NGEF: variants seen among roughly 807,000 people sequenced by gnomAD.
The protein encoded by NGEF is ephexin-1.
In NGEF, 31 loss-of-function variants were observed where a neutral mutation model predicts 80.9. The ratio of observed to expected loss-of-function variants is 0.38; its 90% CI spans 0.29 to 0.52. The LOEUF (loss-of-function observed/expected upper bound fraction) is 0.52, where lower values mean the gene tolerates loss of function less well. Among genes scored for constraint, NGEF ranks in the 20% least tolerant of loss-of-function variants. The pLI is 0.84. For missense variants in NGEF, 709 were observed against 926.2 expected (o/e 0.77, Z 3.04); for synonymous variants, 371 against 370.2 (o/e 1.00, Z -0.03).
intron 1 of NGEF, among the ~76,000 whole-genome samples, chr2:232,982,969 G>A (rs779434930): frequency 7.2e-5 from 11 of 152,222 alleles, no homozygotes; most frequent in Non-Finnish European, 1.5e-4. Flanking sequence ...CTCTGTGTCC[G>A]AGGAAGACCT....
At chr2:232,981,720 A>G (rs1694432795) in intron 1 of NGEF, among the ~76,000 whole-genome samples, 1 of 152,062 alleles carries the variant, frequency 6.6e-6, no homozygotes, top group Non-Finnish European at 1.5e-5. Context: ...AAAAACTCCA[A>G]TCCCCGAATG....
At chr2:232,932,782 G>T (rs1693244011) in intron 3 of NGEF, among the ~76,000 whole-genome samples, 1 of 151,982 alleles carries the variant, frequency 6.6e-6, no homozygotes, top group East Asian at 1.9e-4. Context: ...TAGAAAGAGG[G>T]CTTGGGAGCT....
chr2:232,977,008 A>T (rs1458875002), intron 1 of NGEF, among the ~76,000 whole-genome samples: 1 of 152,140 alleles, frequency 6.6e-6, no homozygotes, highest in South Asian at 2.1e-4. Context: ...CCTTCCCGGG[A>T]GTGCCTGGGA....
At chr2:232,986,760 G>A (rs1384980431) in intron 1 of NGEF, among the ~76,000 whole-genome samples, 7 of 152,178 alleles carry the variant, frequency 4.6e-5, no homozygotes, top group African/African-American at 9.7e-5. Context: ...ATTATAAGAT[G>A]AACAAGTTCT....
intron 1 of NGEF, among the ~76,000 whole-genome samples, chr2:232,981,119 C>T (rs942913861): frequency 6.9e-6 from 1 of 143,918 alleles, no homozygotes; most frequent in African/African-American, 2.7e-5. Context: ...AGGAGGATGT[C>T]TCCTCCCCAG....
intron 4 of NGEF, among the ~76,000 whole-genome samples, chr2:232,920,837 C>T (rs1362041562): frequency 6.6e-6 from 1 of 152,126 alleles, no homozygotes; most frequent in Non-Finnish European, 1.5e-5. Context: ...CCCGAATGGA[C>T]TCAAAATCCA....
chr2:232,920,463 C>G lies in NGEF; in HGVS notation c.649G>C (p.Glu217Gln), dbSNP rs1213933808. Residue 217 changes from glutamate to glutamine, a missense_variant, in exon 5 of 15, where the codon GAG (glutamate) becomes CAG (glutamine). Glu to Gln is a conservative substitution (Grantham distance 29). This residue lies in a region of NGEF where 283 missense variants were observed against 303.4 expected (regional missense o/e 0.93). Coordinates refer to ENST00000264051, the MANE Select transcript of NGEF (RefSeq NM_019850.3). Reference sequence around the variant, plus strand: ...TCCTCCTCCTCCTCTTCTTCTTCCTCCTCCGGGGTGTCCTCACTGGCCGGG... The same window carrying G: ...TCCTCCTCCTCCTCTTCTTCTTCCTGCTCCGGGGTGTCCTCACTGGCCGGG... ...GSPASEDTPE[E>Q]EEEEEEEEEP... The G allele has an allele frequency of 1.2e-6, 2 of 1,613,748 alleles. No individual in the cohort carries two copies. Among genetic ancestry groups the G allele is most frequent in the Non-Finnish European group, 1.7e-6 (2 of 1,179,792 alleles).
chr2:232,881,106 G>A, intron 14 of NGEF, 40 bp downstream of exon 14: 1 of 1,546,738 alleles, frequency 6.5e-7, no homozygotes, highest in Non-Finnish European at 8.9e-7. Context: ...TGTGGGGCAA[G>A]TTCCCCTGGG....
chr2:232,931,570 A>G (rs1482063448), intron 3 of NGEF, among the ~76,000 whole-genome samples: 3 of 152,228 alleles, frequency 2.0e-5, no homozygotes, highest in Non-Finnish European at 2.9e-5. Flanking sequence ...AAACATTCAG[A>G]AGAGAACACC....
intron 5 of NGEF, among the ~76,000 whole-genome samples, chr2:232,897,862 G>A (rs1175206875): frequency 6.6e-6 from 1 of 152,156 alleles, no homozygotes; most frequent in Non-Finnish European, 1.5e-5. Context: ...GACAGCGACG[G>A]TCAGAGACGA....
chr2:232,891,511 AG>A, intron 7 of NGEF, 24 bp from the exon 8 acceptor site: 1 of 1,607,250 alleles, frequency 6.2e-7, no homozygotes, highest in Non-Finnish European at 8.5e-7. Flanking sequence ...CAGGTGGAGT[AG>A]GTCTCTGAGC....
chr2:232,937,863 T>G (rs942185635), intron 3 of NGEF, among the ~76,000 whole-genome samples: 1 of 152,212 alleles, frequency 6.6e-6, no homozygotes, highest in African/African-American at 2.4e-5. Flanking sequence ...TGCCTAAAGC[T>G]TGGGGGAGGT....
intron 2 of NGEF, among the ~76,000 whole-genome samples, chr2:232,971,856 A>G (rs898452230): frequency 6.6e-6 from 1 of 152,098 alleles, no homozygotes; most frequent in African/African-American, 2.4e-5. Context: ...TGCCCTCCCC[A>G]GCTTCATCCC....
intron 7 of NGEF, among the ~76,000 whole-genome samples, chr2:232,891,968 ATGGCAGG>A (rs1340488928): frequency 6.5e-5 from 1 of 15,436 alleles, no homozygotes; most frequent in Non-Finnish European, 1.5e-4. Flanking sequence ...GTCAGCAGGG[ATGGCAGG>A]GACGGCAGGG....
chr2:233,010,927 C>T (rs1271334586), intron 1 of NGEF, among the ~76,000 whole-genome samples: 1 of 152,060 alleles, frequency 6.6e-6, no homozygotes, highest in Non-Finnish European at 1.5e-5. Context: ...TCCTGAGGCC[C>T]AGCAGCCTCC....
At chr2:232,928,947 G>A (rs1282712423) in intron 3 of NGEF, among the ~76,000 whole-genome samples, 1 of 152,132 alleles carries the variant, frequency 6.6e-6, no homozygotes, top group East Asian at 1.9e-4. Context: ...TACGGGCCGA[G>A]CCAAGCCGCC....
At chr2:232,947,276 G>A (rs1040305599) in intron 3 of NGEF, among the ~76,000 whole-genome samples, 4 of 152,186 alleles carry the variant, frequency 2.6e-5, no homozygotes, top group African/African-American at 9.7e-5. Flanking sequence ...CACATCACCC[G>A]GATGCAGTCT....
At chr2:232,921,017 A>T (rs1692931693) in intron 4 of NGEF, among the ~76,000 whole-genome samples, 1 of 152,140 alleles carries the variant, frequency 6.6e-6, no homozygotes, top group Non-Finnish European at 1.5e-5. Flanking sequence ...GTGCAGTGGG[A>T]GTAGCTATAA....
chr2:232,895,048 C>G lies in NGEF; in HGVS notation c.829-132G>C, dbSNP rs1426550300. The G allele has an allele frequency of 9.2e-6, 9 of 973,938 alleles. No individual in the cohort carries two copies. In the Admixed American group the frequency reaches 2.2e-4, roughly 24 times the overall value. 60.3% of individuals were successfully genotyped at this position (973,938 alleles called of 1,614,324 possible). On this transcript the variant is annotated intron_variant, in intron 5 of 14. Transcript: ENST00000264051. Reference sequence around the variant, plus strand: ...GGGAAAAATCGCCTGCTCCTGGGGCCTGGGATGGCTGCTGCAGGGGCAGCT... The same window carrying G: ...GGGAAAAATCGCCTGCTCCTGGGGCGTGGGATGGCTGCTGCAGGGGCAGCT...
Sources: allele counts gnomAD v4.1 joint callset (sites outside exome capture counted in the v4.1 genomes callset), GRCh38; gene constraint gnomAD v4.1.1; regional missense constraint gnomAD v4.1.1; transcripts MANE v1.5; gene names NCBI Gene and HGNC (gene_info 2026-07-23, HGNC 2026-07-21).